Variants in ABCA12 observed in about 807,000 individuals in gnomAD.
The protein encoded by ABCA12 is glucosylceramide transporter ABCA12.
ABCA12 carries 156 observed loss-of-function variants against 293.5 expected under a neutral mutation model. That is an observed-to-expected ratio of 0.53 (90% confidence interval 0.47 to 0.61). The LOEUF (loss-of-function observed/expected upper bound fraction) is 0.61. Among genes scored for constraint, ABCA12 ranks in the 20% least tolerant of loss-of-function variants. The pLI is 0.00. For missense variants in ABCA12, 2,797 were observed against 3,090.2 expected, an observed-to-expected ratio of 0.91 and a Z score of 2.25; for synonymous variants, 1,063 against 1,108.0, an observed-to-expected ratio of 0.96 and a Z score of 0.81.
rs1261800741 is a variant in ABCA12, at chr2:214,947,519, G to T, written c.7142C>A (p.Pro2381His). The change falls in exon 48 of 53, where the codon CCC becomes CAC. Residue 2381 changes from proline (P) to histidine (H), a missense_variant. Pro to His is a moderately conservative substitution (Grantham distance 77). Coordinates refer to ENST00000272895, the MANE Select transcript of ABCA12 (RefSeq NM_173076.3). ...HKLLRRLHLM[P>H]FKDRATSMCS... ...CATAGAGGTAGCTCTGTCCTTGAAG[G>T]GCATCAGGTGAAGTCTCCTAAGGAG... 6.2e-7 allele frequency: 1 copy of T among 1,613,830 alleles called. No homozygotes were observed. Among genetic ancestry groups the T allele is most frequent in the African/African-American group, 1.3e-5 (1 of 74,990 alleles).
intron 38 of ABCA12, among the ~76,000 whole-genome samples, chr2:214,968,289 C>G (rs1294275732): frequency 6.6e-6 from 1 of 152,014 alleles, no homozygotes; most frequent in East Asian, 1.9e-4. Context: ...CCTATAAACT[C>G]TCAAAGTTTA....
At chr2:215,095,727 A>T (rs1471534581) in intron 2 of ABCA12, among the ~76,000 whole-genome samples, 1 of 151,590 alleles carries the variant, frequency 6.6e-6, no homozygotes, top group African/African-American at 2.4e-5. Flanking sequence ...GCAACTGAAG[A>T]ACCACAAAAG....
At chr2:215,096,364 G>T (rs1702249768) in intron 2 of ABCA12, among the ~76,000 whole-genome samples, 1 of 152,120 alleles carries the variant, frequency 6.6e-6, no homozygotes, top group Admixed American at 6.5e-5. Context: ...AGGCCCAGGG[G>T]TTTGATCATT....
intron 48 of ABCA12, among the ~76,000 whole-genome samples, chr2:214,945,695 G>A (rs979032222): frequency 1.5e-4 from 23 of 152,150 alleles, no homozygotes; most frequent in African/African-American, 5.3e-4. Flanking sequence ...AAATGTAGCA[G>A]TAGATAATCT....
At position 215,111,669 on chromosome 2, in the gene ABCA12, A is replaced by T; in HGVS notation, c.91T>A (p.Leu31Ile). 6.2e-7 allele frequency: 1 copy of T among 1,613,478 alleles called. No individual in the cohort carries two copies. The highest frequency in any genetic ancestry group is 8.5e-7 in the Non-Finnish European group (1 of 1,179,662). Residue 31 changes from leucine to isoleucine, a missense_variant, in exon 2 of 53, where the codon TTA becomes ATA. Physicochemically the swap from Leu to Ile is conservative, Grantham distance 5. Around this residue, in one of 3 missense-constraint regions of ABCA12, gnomAD observed 656 missense variants for 638.2 expected, o/e 1.03. Transcript: ENST00000272895. Reference protein sequence around the residue: ...RQPLWTLVLILWPVIIFIILA... With the variant: ...RQPLWTLVLIIWPVIIFIILA... ...ATTATGAAAATAATGACTGGCCATA[A>T]GATCAAGACAAGTGTCCAAAGCTGC...
At chr2:214,936,797 G>GT (rs895916545) in intron 51 of ABCA12, among the ~76,000 whole-genome samples, 25 of 152,084 alleles carry the variant, frequency 1.6e-4, no homozygotes, top group Admixed American at 1.4e-3. Context: ...GAGCTCTGTA[G>GT]TTTTTTGGGT....
intron 6 of ABCA12, among the ~76,000 whole-genome samples, chr2:215,047,831 T>C (rs539456808): frequency 6.6e-6 from 1 of 152,232 alleles, no homozygotes; most frequent in South Asian, 2.1e-4. Context: ...GGGATCTAAT[T>C]AAACTTAACA....
intron 1 of ABCA12, among the ~76,000 whole-genome samples, chr2:215,117,823 C>T (rs1702716916): frequency 6.6e-6 from 1 of 152,194 alleles, no homozygotes; most frequent in Non-Finnish European, 1.5e-5. Context: ...TTAATTACTA[C>T]ATCTTATTAT....
intron 42 of ABCA12, among the ~76,000 whole-genome samples, chr2:214,956,251 C>T (rs1698944995): frequency 6.6e-6 from 1 of 152,034 alleles, no homozygotes; most frequent in Non-Finnish European, 1.5e-5. Context: ...CCTTATACAT[C>T]TATAAAAAGA....
intron 7 of ABCA12, among the ~76,000 whole-genome samples, chr2:215,038,577 C>T (rs1701035937): frequency 6.6e-6 from 1 of 152,166 alleles, no homozygotes; most frequent in Admixed American, 6.6e-5. Context: ...CTGGTGACAC[C>T]TCAGGCATTT....
intron 46 of ABCA12, 72 bp from the exon 47 acceptor site, chr2:214,948,809 A>C: frequency 6.3e-7 from 1 of 1,593,486 alleles, no homozygotes; most frequent in Non-Finnish European, 8.6e-7. Flanking sequence ...AATGCTGGGA[A>C]GGTAGCTCTA....
At chr2:214,935,729 C>A (rs1251920220) in intron 51 of ABCA12, among the ~76,000 whole-genome samples, 1 of 152,018 alleles carries the variant, frequency 6.6e-6, no homozygotes, top group African/African-American at 2.4e-5. Flanking sequence ...CCCAGGAGTT[C>A]AAGGCTGCAC....
intron 8 of ABCA12, among the ~76,000 whole-genome samples, chr2:215,035,493 C>T (rs1700971927): frequency 6.6e-6 from 1 of 151,704 alleles, no homozygotes; most frequent in South Asian, 2.1e-4. Flanking sequence ...GATGGTGAAA[C>T]CCCATCTCTA....
chr2:215,118,428 A>G (rs745333074), intron 1 of ABCA12, among the ~76,000 whole-genome samples: 3 of 152,118 alleles, frequency 2.0e-5, no homozygotes, highest in Non-Finnish European at 4.4e-5. Flanking sequence ...ATAAAAAAAG[A>G]ATGATATGAT....
At chr2:215,063,758 T>C (rs890289548) in intron 3 of ABCA12, among the ~76,000 whole-genome samples, 5 of 151,956 alleles carry the variant, frequency 3.3e-5, no homozygotes, top group African/African-American at 9.7e-5. Context: ...GTGATGAGTC[T>C]CAGGCAATGT....
intron 23 of ABCA12, among the ~76,000 whole-genome samples, chr2:214,994,494 G>A (rs753960263): frequency 9.2e-5 from 14 of 152,194 alleles, no homozygotes; most frequent in African/African-American, 1.4e-4. Flanking sequence ...AGGGGTTGAC[G>A]TAAATACTGC....
chr2:215,054,597 G>A lies in ABCA12; in HGVS notation c.385C>T (p.Pro129Ser), dbSNP rs267599201. 3.1e-6 allele frequency: 5 copies of A among 1,611,820 alleles called. No individual in the cohort carries two copies. In the East Asian group the frequency reaches 8.9e-5, roughly 29 times the overall value. Reference protein sequence around the residue: ...SSLSFQSTQVPERRHASLATV... With the variant: ...SSLSFQSTQVSERRHASLATV... ...CCTAGTGATGCATGCCTTCTTTCTG[G>A]AACTTGGGTGCTCTGGAATGATAAA... The change falls in exon 4 of 53, where the codon CCA becomes TCA. Residue 129 changes from proline to serine, a missense_variant. Coordinates refer to ENST00000272895, the MANE Select transcript of ABCA12 (RefSeq NM_173076.3).
Position 214,975,947 on chromosome 2 carries a change from G to C in ABCA12, c.5219C>G (p.Thr1740Ser). The change falls in exon 34 of 53, where the codon ACC becomes AGC. Residue 1740 changes from threonine (T) to serine (S), a missense_variant. Thr to Ser is a moderately conservative substitution (Grantham distance 58). Around this residue, in one of 3 missense-constraint regions of ABCA12, gnomAD observed 2,130 missense variants for 2,427.0 expected, o/e 0.88. Coordinates refer to ENST00000272895, the MANE Select transcript of ABCA12 (RefSeq NM_173076.3). ...MAILIKRFHH[T>S]RRNWKGLIAQ... Reference sequence around the variant, plus strand: ...AATGAGACCTTTCCAGTTCCTGCGGGTGTGGTGGAACCTCTTGATGAGTAT... The same window carrying C: ...AATGAGACCTTTCCAGTTCCTGCGGCTGTGGTGGAACCTCTTGATGAGTAT... 1 of 1,614,118 alleles carries C rather than the reference G, an allele frequency of 6.2e-7. No homozygotes were observed. Among genetic ancestry groups the C allele is most frequent in the Non-Finnish European group, 8.5e-7 (1 of 1,179,980 alleles).
At chr2:214,968,583 G>T in intron 38 of ABCA12, 137 bp downstream of exon 38, 1 of 788,506 alleles carries the variant, frequency 1.3e-6, no homozygotes, top group Non-Finnish European at 2.2e-6. Flanking sequence ...CACAGAATTG[G>T]AACCACTGTG....
Sources: gnomAD v4.1 joint callset for allele counts (sites outside exome capture counted in the v4.1 genomes callset) on GRCh38, gnomAD v4.1.1 for gene constraint, gnomAD v4.1.1 regional missense constraint, MANE v1.5 for transcripts, NCBI Gene and HGNC (gene_info 2026-07-23, HGNC 2026-07-21) for gene names.